LTF: variants seen among roughly 807,000 people sequenced by gnomAD.
LTF encodes the protein epididymis luminal protein 110.
A neutral mutation model predicts 87.2 loss-of-function variants in LTF; 91 were observed. The observed-to-expected ratio is 1.04, with a 90% CI of 0.88 to 1.24. LTF has a LOEUF of 1.24. Among genes scored for constraint, LTF ranks in the 50% most tolerant of loss-of-function variants. The pLI is 0.00. For missense variants in LTF, 901 were observed against 904.3 expected, an observed-to-expected ratio of 1.00 and a Z score of 0.05; for synonymous variants, 378 against 356.1, an observed-to-expected ratio of 1.06 and a Z score of -0.69.
intron 16 of LTF, among the ~76,000 whole-genome samples, chr3:46,436,922 A>T (rs1222674098): frequency 6.6e-6 from 1 of 152,232 alleles, no homozygotes; most frequent in African/African-American, 2.4e-5. Context: ...ATTTGTTACC[A>T]GCAGCACCCT....
intron 2 of LTF, among the ~76,000 whole-genome samples, chr3:46,458,924 A>G (rs1477446229): frequency 6.6e-6 from 1 of 152,230 alleles, no homozygotes; most frequent in East Asian, 1.9e-4. Flanking sequence ...AGCCTAAAAC[A>G]TTGATTAAAC....
At chr3:46,455,153 T>C in intron 5 of LTF, 142 bp downstream of exon 5, 1 of 1,017,732 alleles carries the variant, frequency 9.8e-7, no homozygotes, top group Non-Finnish European at 1.5e-6. Flanking sequence ...CTGCACTCTC[T>C]TTGGACACAC....
upstream of LTF, chr3:46,468,441 A>G: frequency 2.4e-6 from 1 of 416,870 alleles, no homozygotes; most frequent in Non-Finnish European, 4.8e-6. Context: ...TTCAACAGGC[A>G]GATGTGTGAG....
chr3:46,456,504 G>A (rs1285079716), intron 2 of LTF, 106 bp from the exon 3 acceptor site: 8 of 797,736 alleles, frequency 1.0e-5, no homozygotes, highest in Non-Finnish European at 1.4e-5. Flanking sequence ...GGTCGTCAAA[G>A]GGGTCCGCTT....
In LTF at chr3:46,454,306, A is replaced by G; in HGVS notation, c.702T>C (p.Phe234=). 6.2e-7 allele frequency: 1 copy of G among 1,614,140 alleles called. No homozygotes were observed. Among genetic ancestry groups the G allele is most frequent in the Non-Finnish European group, 8.5e-7 (1 of 1,179,976 alleles). Residue 234 remains phenylalanine, a splice_region_variant and synonymous_variant, in exon 6 of 17, where the codon TTT becomes TTC. Coordinates refer to ENST00000231751, the MANE Select transcript of LTF (RefSeq NM_002343.6). ...CACGGCTCATTACCCTGCTCTTACC[A>G]AACACTGTGCTCTCTCTGATAAAAG... ...DVAFIRESTV[F]EDLSDEAERD...
intron 1 of LTF, among the ~76,000 whole-genome samples, chr3:46,480,916 G>A (rs1443460876): frequency 6.6e-6 from 1 of 152,160 alleles, no homozygotes; most frequent in African/African-American, 2.4e-5. Context: ...GGTGGGCCAT[G>A]GGGGCTGACA....
chr3:46,480,832 A>C (rs923166581), intron 1 of LTF, among the ~76,000 whole-genome samples: 11 of 152,178 alleles, frequency 7.2e-5, no homozygotes, highest in African/African-American at 2.7e-4. Flanking sequence ...CCTAGGAGAG[A>C]AGTCTCAAGA....
chr3:46,474,603 T>C (rs1219677350), intron 1 of LTF, among the ~76,000 whole-genome samples: 1 of 152,176 alleles, frequency 6.6e-6, no homozygotes. Flanking sequence ...CCAGCAGAAC[T>C]GAATCAACAT....
chr3:46,456,485 G>A, intron 2 of LTF, 87 bp from the exon 3 acceptor site: 2 of 1,038,252 alleles, frequency 1.9e-6, no homozygotes, highest in South Asian at 2.7e-5. Flanking sequence ...AAGTCTCCAT[G>A]GCTGGAAGGG....
chr3:46,449,050 A>C (rs745915438), intron 8 of LTF, 33 bp from the exon 9 acceptor site: 14 of 1,579,358 alleles, frequency 8.9e-6, no homozygotes, highest in Non-Finnish European at 1.1e-5. Flanking sequence ...TGGCTGGGCA[A>C]CCTGAGCTTT....
chr3:46,451,813 T>C (rs1702810360), intron 6 of LTF, among the ~76,000 whole-genome samples: 1 of 152,168 alleles, frequency 6.6e-6, no homozygotes. Context: ...CAGGCTGGTC[T>C]CGAACTCCTG....
At chr3:46,452,075 G>A (rs1263571732) in intron 6 of LTF, among the ~76,000 whole-genome samples, 1 of 152,002 alleles carries the variant, frequency 6.6e-6, no homozygotes, top group African/African-American at 2.4e-5. Flanking sequence ...ATAAACACTG[G>A]AAGGAAAAAG....
chr3:46,479,103 A>G (rs1703399085), intron 1 of LTF, among the ~76,000 whole-genome samples: 1 of 152,232 alleles, frequency 6.6e-6, no homozygotes, highest in South Asian at 2.1e-4. Flanking sequence ...GGAGATGAGA[A>G]TGTCCATGGA....
intron 6 of LTF, among the ~76,000 whole-genome samples, chr3:46,451,040 C>T (rs1331671602): frequency 6.6e-6 from 1 of 152,206 alleles, no homozygotes; most frequent in East Asian, 1.9e-4. Context: ...TGCTCCCTTA[C>T]TCACATCTCT....
chr3:46,465,361 T>G (rs1054814751), upstream of LTF, among the ~76,000 whole-genome samples: 9 of 152,162 alleles, frequency 5.9e-5, no homozygotes, highest in African/African-American at 2.2e-4. Flanking sequence ...AGCTGAGAGT[T>G]GAAAAGATGA....
intron 15 of LTF, 85 bp downstream of exon 15, chr3:46,439,211 G>T (rs2073493): frequency 7.7e-7 from 1 of 1,299,788 alleles, no homozygotes; most frequent in African/African-American, 1.5e-5. Flanking sequence ...AGGATCGAGT[G>T]GGCTGGTGCA....
chr3:46,473,314 C>T (rs940822819), intron 1 of LTF, among the ~76,000 whole-genome samples: 1 of 152,202 alleles, frequency 6.6e-6, no homozygotes. Context: ...CTTTATTCTA[C>T]TCTACTCTGG....
chr3:46,468,788 G>A (rs1703247653), upstream of LTF, among the ~76,000 whole-genome samples: 1 of 152,250 alleles, frequency 6.6e-6, no homozygotes, highest in Non-Finnish European at 1.5e-5. Context: ...CCAGTGGTGA[G>A]AGATTGCTGA....
chr3:46,438,020 T>C lies in LTF; in HGVS notation c.2018A>G (p.His673Arg). The C allele has an allele frequency of 1.2e-6, 2 of 1,614,066 alleles. No individual in the cohort carries two copies. The highest frequency in any genetic ancestry group is 8.5e-7 in the Non-Finnish European group (1 of 1,179,964). The change falls in exon 16 of 17, where the codon CAT (histidine) becomes CGT (arginine). Residue 673 changes from histidine to arginine, a missense_variant. Physicochemically the swap from His to Arg is conservative, Grantham distance 29 (BLOSUM62 0). Coordinates refer to ENST00000231751, the MANE Select transcript of LTF (RefSeq NM_002343.6). ...NDNTECLARL[H>R]GKTTYEKYLG... ...ATATTTTTCATATGTTGTTTTGCCA[T>C]GGAGTCTGGCCAGACACTCAGTGTT...
Sources: allele counts gnomAD v4.1 joint callset (sites outside exome capture counted in the v4.1 genomes callset), GRCh38; gene constraint gnomAD v4.1.1; transcripts MANE v1.5; gene names NCBI Gene and HGNC (gene_info 2026-07-23, HGNC 2026-07-21).